RAB6A: variants seen among roughly 807,000 people sequenced by gnomAD.
The protein encoded by RAB6A is ras-related protein Rab-6A.
A neutral mutation model predicts 32.3 loss-of-function variants in RAB6A; 8 were observed. That is an observed-to-expected ratio of 0.25 (90% confidence interval 0.15 to 0.45). The LOEUF (loss-of-function observed/expected upper bound fraction) is 0.45, where lower values mean the gene tolerates loss of function less well. Among genes scored for constraint, RAB6A ranks in the 20% least tolerant of loss-of-function variants. The pLI is 1.00. For synonymous variants in RAB6A, 73 were observed against 82.1 expected (o/e 0.89, Z 0.60); for missense variants, 104 against 249.4 (o/e 0.42, Z 3.93).
At chr11:73,728,655 T>TG (rs1946261237) in intron 2 of RAB6A, among the ~76,000 whole-genome samples, 1 of 146,852 alleles carries the variant, frequency 6.8e-6, no homozygotes, top group African/African-American at 2.5e-5. Context: ...ATAAATGAAA[T>TG]AAAAATAATA....
chr11:73,692,788 CAA>C lies in RAB6A; in HGVS notation c.496-13070_496-13069del, dbSNP rs140762210. ...TGAAACCCTGTCTCTACTAAAAATACAAAAAAAAAAAAAAAAAAAAAAATTAG... is the reference window on the plus strand; with the variant it reads ...TGAAACCCTGTCTCTACTAAAAATACAAAAAAAAAAAAAAAAAAAAATTAG... On this transcript the variant is annotated intron_variant, in intron 6 of 7. Coordinates refer to ENST00000336083, the MANE Select transcript of RAB6A (RefSeq NM_198896.2). Among the ~76,000 whole-genome samples, 567 of 98,176 alleles carry C rather than the reference CAA, an allele frequency of 5.8e-3. 5 individuals carry two copies. The highest frequency in any genetic ancestry group is 0.02 in the African/African-American group (513 of 25,246). 64.4% of individuals were successfully genotyped at this position (98,176 alleles called of 152,430 possible). A position where few individuals can be genotyped will look rare whatever the true frequency, so the allele number is the denominator to read the frequency against.
At chr11:73,716,703 GCTT>G (rs1239003491) in intron 4 of RAB6A, among the ~76,000 whole-genome samples, 2 of 152,072 alleles carry the variant, frequency 1.3e-5, no homozygotes, top group Non-Finnish European at 2.9e-5. Context: ...TTGCCACAAT[GCTT>G]TTTTGATCAC....
intron 2 of RAB6A, among the ~76,000 whole-genome samples, chr11:73,721,222 T>C (rs1409539828): frequency 6.6e-6 from 1 of 152,218 alleles, no homozygotes; most frequent in African/African-American, 2.4e-5. Context: ...GGTTTAAATA[T>C]TTGTATTTGA....
intron 3 of RAB6A, among the ~76,000 whole-genome samples, chr11:73,720,150 G>C (rs976947896): frequency 9.5e-5 from 14 of 147,944 alleles, no homozygotes; most frequent in Non-Finnish European, 1.6e-4. Context: ...AAGGATGAAA[G>C]ACAAAAATCC....
chr11:73,693,578 T>TAAA (rs1208763499), intron 6 of RAB6A, among the ~76,000 whole-genome samples: 15 of 142,126 alleles, frequency 1.1e-4, no homozygotes, highest in African/African-American at 3.6e-4. Context: ...TTTTTTTTTT[T>TAAA]AAAGAAGAAA....
rs58629008 is a variant in RAB6A at position 73,739,263 on chromosome 11, T to TAAAAAAAAAAA, written c.71-8451_71-8441dup. On this transcript the variant is annotated intron_variant, in intron 1 of 7. Coordinates refer to ENST00000336083, the MANE Select transcript of RAB6A (RefSeq NM_198896.2). The stretch of plus-strand genomic sequence containing the variant: ...GCAAAAAAAAAATAGTAATAATAAT[T>TAAAAAAAAAAA]AAAAAAAAAAAAAAAAAAAAAATAT... Among the ~76,000 whole-genome samples the TAAAAAAAAAAA allele has an allele frequency of 9.6e-4, 9 of 9,376 alleles. 1 individual carries two copies. The highest frequency in any genetic ancestry group is 2.9e-3 in the African/African-American group (8 of 2,792). 6.2% of individuals were successfully genotyped at this position (9,376 alleles called of 152,430 possible).
At chr11:73,727,158 T>C (rs767980032) in intron 2 of RAB6A, among the ~76,000 whole-genome samples, 2 of 152,188 alleles carry the variant, frequency 1.3e-5, no homozygotes, top group Non-Finnish European at 2.9e-5. Flanking sequence ...CCAGGCATGC[T>C]GGCTCATCCC....
intron 1 of RAB6A, among the ~76,000 whole-genome samples, chr11:73,733,953 C>G (rs1565371389): frequency 6.6e-6 from 1 of 152,082 alleles, no homozygotes; most frequent in Non-Finnish European, 1.5e-5. Flanking sequence ...AAAATAAAAT[C>G]TTTTTCTCAA....
chr11:73,702,681 C>A (rs1945765527), intron 6 of RAB6A, among the ~76,000 whole-genome samples: 1 of 152,034 alleles, frequency 6.6e-6, no homozygotes. Context: ...AAGCCAGTAA[C>A]AATTAAGATT....
intron 1 of RAB6A, among the ~76,000 whole-genome samples, chr11:73,748,045 A>G (rs1325758108): frequency 2.0e-5 from 3 of 152,224 alleles, no homozygotes; most frequent in Admixed American, 1.3e-4. Context: ...TGATGCAAAC[A>G]TTGTGTTCTC....
At chr11:73,697,300 C>T (rs986187773) in intron 6 of RAB6A, among the ~76,000 whole-genome samples, 9 of 152,016 alleles carry the variant, frequency 5.9e-5, no homozygotes, top group Non-Finnish European at 1.2e-4. Context: ...ATTCTTTATC[C>T]TTCTTACCCT....
At chr11:73,697,089 T>C (rs1368352676) in intron 6 of RAB6A, among the ~76,000 whole-genome samples, 1 of 152,154 alleles carries the variant, frequency 6.6e-6, no homozygotes, top group African/African-American at 2.4e-5. Flanking sequence ...TAGTGTAACC[T>C]TACTAATTTC....
At chr11:73,727,290 G>A (rs1336351288) in intron 2 of RAB6A, among the ~76,000 whole-genome samples, 1 of 151,750 alleles carries the variant, frequency 6.6e-6, no homozygotes, top group Non-Finnish European at 1.5e-5. Context: ...GCTGGGAGTG[G>A]TGGCGTGTAC....
At chr11:73,710,734 C>T (rs1456201274) in intron 5 of RAB6A, among the ~76,000 whole-genome samples, 2 of 147,540 alleles carry the variant, frequency 1.4e-5, no homozygotes, top group Non-Finnish European at 3.0e-5. Flanking sequence ...GAGACTCAGT[C>T]TTGAAAAAAA....
chr11:73,697,265 A>C (rs1945668845), intron 6 of RAB6A, among the ~76,000 whole-genome samples: 1 of 152,010 alleles, frequency 6.6e-6, no homozygotes, highest in Non-Finnish European at 1.5e-5. Flanking sequence ...TAAGACATCA[A>C]TATATCATAA....
intron 3 of RAB6A, chr11:73,719,026 G>A: frequency 2.8e-6 from 2 of 726,222 alleles, no homozygotes; most frequent in Non-Finnish European, 4.3e-6. Flanking sequence ...GTTGCAGGGA[G>A]TGAGGAATGA....
intron 6 of RAB6A, among the ~76,000 whole-genome samples, chr11:73,681,205 G>C (rs1231137120): frequency 6.6e-6 from 1 of 152,072 alleles, no homozygotes; most frequent in African/African-American, 2.4e-5. Context: ...TTTAATTCAA[G>C]GAGCTCAAAA....
chr11:73,705,527 A>G (rs949648449), intron 6 of RAB6A, among the ~76,000 whole-genome samples: 4 of 152,224 alleles, frequency 2.6e-5, no homozygotes, highest in African/African-American at 4.8e-5. Flanking sequence ...AGCCTGGCTG[A>G]CACAGCAAGA....
intron 6 of RAB6A, among the ~76,000 whole-genome samples, chr11:73,702,440 G>C (rs1438833306): frequency 1.3e-4 from 20 of 152,202 alleles, no homozygotes; most frequent in Admixed American, 1.3e-3. Context: ...CTGAAGTGCT[G>C]GGATTATGGG....
Sources: gnomAD v4.1 joint callset for allele counts (sites outside exome capture counted in the v4.1 genomes callset) on GRCh38, gnomAD v4.1.1 for gene constraint, MANE v1.5 for transcripts, NCBI Gene and HGNC (gene_info 2026-07-23, HGNC 2026-07-21) for gene names.